SGCZ: variants seen among roughly 807,000 people sequenced by gnomAD.
SGCZ encodes the protein sarcoglycan zeta.
SGCZ carries 40 observed loss-of-function variants against 41.3 expected under a neutral mutation model. The observed-to-expected ratio is 0.97, with a 90% CI of 0.75 to 1.26. The LOEUF (loss-of-function observed/expected upper bound fraction) is 1.26. Among genes scored for constraint, SGCZ ranks in the 50% most tolerant of loss-of-function variants. The probability of loss-of-function intolerance (pLI) is 0.00; values close to 1 mark genes in which losing one functional copy is unlikely to be tolerated. For synonymous variants in SGCZ, 206 were observed against 137.5 expected, an observed-to-expected ratio of 1.50 and a Z score of -3.49; for missense variants, 552 against 369.8, an observed-to-expected ratio of 1.49 and a Z score of -4.04.
At chr8:15,194,330 ACCAAAACCC>A (rs1465758412) in intron 1 of SGCZ, among the ~76,000 whole-genome samples, 1 of 152,126 alleles carries the variant, frequency 6.6e-6, no homozygotes, top group African/African-American at 2.4e-5. Context: ...CATGGTGGGC[ACCAAAACCC>A]TATATTAAAG....
intron 1 of SGCZ, among the ~76,000 whole-genome samples, chr8:14,986,391 C>T (rs1461088446): frequency 6.6e-6 from 1 of 152,036 alleles, no homozygotes; most frequent in Non-Finnish European, 1.5e-5. Flanking sequence ...AAATGGAAGG[C>T]AATTTGACTG....
At chr8:14,743,299 T>A (rs1470084458) in intron 1 of SGCZ, among the ~76,000 whole-genome samples, 2 of 152,050 alleles carry the variant, frequency 1.3e-5, no homozygotes, top group African/African-American at 4.8e-5. Flanking sequence ...AATAACCATA[T>A]TTTACCTTTA....
chr8:15,223,937 C>T (rs186214548), intron 1 of SGCZ, among the ~76,000 whole-genome samples: 2 of 152,222 alleles, frequency 1.3e-5, no homozygotes, highest in Admixed American at 1.3e-4. Context: ...TCACTGTAAC[C>T]TCCACCTCCT....
intron 2 of SGCZ, among the ~76,000 whole-genome samples, chr8:14,542,801 A>T (rs966419052): frequency 4.0e-5 from 6 of 151,500 alleles, no homozygotes; most frequent in East Asian, 1.9e-4. Flanking sequence ...TTCATATTTT[A>T]AAAAAAAATC....
chr8:15,056,090 C>A (rs1030362432), intron 1 of SGCZ, among the ~76,000 whole-genome samples: 1 of 152,142 alleles, frequency 6.6e-6, no homozygotes, highest in Non-Finnish European at 1.5e-5. Flanking sequence ...AAAAATAATT[C>A]TTTAAAAGGC....
chr8:14,130,793 C>T (rs1803017248), intron 5 of SGCZ, among the ~76,000 whole-genome samples: 1 of 152,128 alleles, frequency 6.6e-6, no homozygotes, highest in Non-Finnish European at 1.5e-5. Context: ...ACCTGGAAGG[C>T]AGGTATGTTT....
At chr8:14,159,783 G>A (rs927699561) in intron 5 of SGCZ, among the ~76,000 whole-genome samples, 1 of 152,156 alleles carries the variant, frequency 6.6e-6, no homozygotes, top group Admixed American at 6.5e-5. Flanking sequence ...CTATCTAATA[G>A]AAAGGTTGAG....
intron 3 of SGCZ, among the ~76,000 whole-genome samples, chr8:14,291,158 A>C (rs1800827970): frequency 6.6e-6 from 1 of 152,080 alleles, no homozygotes; most frequent in African/African-American, 2.4e-5. Context: ...GGTTACCAGA[A>C]AATGGGGAGA....
intron 1 of SGCZ, among the ~76,000 whole-genome samples, chr8:14,993,253 C>T (rs960370444): frequency 3.3e-5 from 5 of 152,040 alleles, no homozygotes; most frequent in Admixed American, 6.6e-5. Flanking sequence ...ACCACAAGTC[C>T]GTTGTATGTA....
chr8:15,158,700 T>G (rs1799408727), intron 1 of SGCZ, among the ~76,000 whole-genome samples: 1 of 152,172 alleles, frequency 6.6e-6, no homozygotes, highest in Non-Finnish European at 1.5e-5. Flanking sequence ...GTGAGGCCTC[T>G]AGGGCATGGT....
At chr8:14,618,568 CA>C (rs1171489229) in intron 1 of SGCZ, among the ~76,000 whole-genome samples, 1 of 152,170 alleles carries the variant, frequency 6.6e-6, no homozygotes, top group African/African-American at 2.4e-5. Flanking sequence ...ATAGGTCAGG[CA>C]GCCTATGCAG....
intron 1 of SGCZ, among the ~76,000 whole-genome samples, chr8:15,019,534 T>C (rs115690594): frequency 1.3e-5 from 2 of 152,096 alleles, no homozygotes; most frequent in Non-Finnish European, 2.9e-5. Context: ...TAGGCAAAGA[T>C]AGGCCTGAGG....
chr8:14,712,891 A>G (rs148721553), intron 1 of SGCZ, among the ~76,000 whole-genome samples: 105 of 152,072 alleles, frequency 6.9e-4, no homozygotes, highest in African/African-American at 2.4e-3. Context: ...GGCAATTCCA[A>G]AATGTGACCT....
At chr8:14,884,946 C>G (rs1246478525) in intron 1 of SGCZ, among the ~76,000 whole-genome samples, 1 of 152,104 alleles carries the variant, frequency 6.6e-6, no homozygotes, top group Non-Finnish European at 1.5e-5. Context: ...GCTGTGACTT[C>G]TGCAGGATCT....
intron 1 of SGCZ, among the ~76,000 whole-genome samples, chr8:14,567,458 T>G (rs1400006035): frequency 6.6e-6 from 1 of 152,148 alleles, no homozygotes; most frequent in Non-Finnish European, 1.5e-5. Flanking sequence ...TGTGTCTGGC[T>G]CAGGGATTGT....
At position 14,585,999 on chromosome 8, in the gene SGCZ, G is replaced by GA. The variant is rs201689481; in HGVS notation, c.40-31074dup. Among the ~76,000 whole-genome samples the GA allele has an allele frequency of 3.2e-3, 480 of 152,072 alleles. 7 individuals are homozygous for GA. Among genetic ancestry groups the GA allele is most frequent in the Middle Eastern group, 0.024 (7 of 294 alleles). On this transcript the variant is annotated intron_variant, in intron 1 of 7. Coordinates refer to ENST00000382080, the MANE Select transcript of SGCZ (RefSeq NM_139167.4). ...TATATCTCCAAAAGCAAATAAAAAAGAATGGGGGCAATCATGTACAGATAA... is the reference window on the plus strand; with the variant it reads ...TATATCTCCAAAAGCAAATAAAAAAGAAATGGGGGCAATCATGTACAGATAA...
chr8:14,725,437 CA>C (rs938516123), intron 1 of SGCZ, among the ~76,000 whole-genome samples: 1 of 152,114 alleles, frequency 6.6e-6, no homozygotes, highest in African/African-American at 2.4e-5. Context: ...TTTACATTCC[CA>C]CCAACAGTGT....
chr8:14,634,952 A>C (rs902538727), intron 1 of SGCZ, among the ~76,000 whole-genome samples: 6 of 151,856 alleles, frequency 4.0e-5, no homozygotes, highest in African/African-American at 1.4e-4. Flanking sequence ...TATTGGTATA[A>C]TTGATGCATT....
At chr8:14,515,350 T>A (rs900120636) in intron 2 of SGCZ, among the ~76,000 whole-genome samples, 4 of 152,120 alleles carry the variant, frequency 2.6e-5, no homozygotes, top group Non-Finnish European at 5.9e-5. Flanking sequence ...AAAAGCTATT[T>A]TTAAATATTT....
Sources: gnomAD v4.1 joint callset for allele counts (sites outside exome capture counted in the v4.1 genomes callset) on GRCh38, gnomAD v4.1.1 for gene constraint, MANE v1.5 for transcripts, NCBI Gene and HGNC (gene_info 2026-07-23, HGNC 2026-07-21) for gene names.